Variants in RALGAPB observed in about 807,000 individuals in gnomAD.
The protein encoded by RALGAPB is ral GTPase-activating protein subunit beta.
RALGAPB carries 25 observed loss-of-function variants against 161.1 expected under a neutral mutation model. That is an observed-to-expected ratio of 0.16 (90% CI 0.11 to 0.22). RALGAPB has a LOEUF of 0.22. Ranked by LOEUF, RALGAPB falls within the 10% of genes least tolerant of loss-of-function variation. The probability of loss-of-function intolerance (pLI) is 1.00; values close to 1 mark genes in which losing one functional copy is unlikely to be tolerated. For synonymous variants in RALGAPB, 629 were observed against 626.1 expected (o/e 1.00, Z -0.07); for missense variants, 1,391 against 1,815.2 (o/e 0.77, Z 4.25).
chr20:38,555,088 GA>G (rs929967750), intron 22 of RALGAPB, among the ~76,000 whole-genome samples: 1 of 150,722 alleles, frequency 6.6e-6, no homozygotes, highest in South Asian at 2.1e-4. Flanking sequence ...TGTCTCTTGG[GA>G]AAAAAAAATG....
rs116229765 is a variant in RALGAPB at position 38,569,467 on chromosome 20, T to C, written c.3955-421T>C. ...GCAGTAGGAGACATTTGGTCTGGAATCTAGGAATAACTTGCTGATGGGACA... is the reference window on the plus strand; with the variant it reads ...GCAGTAGGAGACATTTGGTCTGGAACCTAGGAATAACTTGCTGATGGGACA... On this transcript the variant is annotated intron_variant, in intron 26 of 29. Transcript: ENST00000262879. The C allele has an allele frequency of 3.5e-3, 555 of 158,218 alleles. 3 individuals carry two copies. The highest frequency in any genetic ancestry group is 0.013 in the African/African-American group (539 of 41,716). 9.8% of individuals were successfully genotyped at this position (158,218 alleles called of 1,614,324 possible).
chr20:38,483,721 C>A (rs2085038835), intron 1 of RALGAPB, among the ~76,000 whole-genome samples: 1 of 152,104 alleles, frequency 6.6e-6, no homozygotes, highest in African/African-American at 2.4e-5. Context: ...CAAGTGTGAT[C>A]AAGACATGTG....
Position 38,521,557 on chromosome 20 carries a change from C to T in RALGAPB, c.1478C>T (p.Thr493Ile). The stretch of plus-strand genomic sequence containing the variant: ...AAAGGGTCACAAATGTCCACAGACA[C>T]CATGGTTTCCAATCCTATGTTTGAT... ...RRKGSQMSTD[T>I]MVSNPMFDAS... is the part of the protein sequence containing the mutation. Residue 493 changes from threonine (T) to isoleucine (I), a missense_variant, in exon 10 of 30, where the codon ACC becomes ATC. Around this residue, in one of 3 missense-constraint regions of RALGAPB, gnomAD observed 946 missense variants for 1,257.2 expected, o/e 0.75. Coordinates refer to ENST00000262879, the MANE Select transcript of RALGAPB (RefSeq NM_020336.4). 3 of 1,614,180 alleles carry T rather than the reference C, an allele frequency of 1.9e-6. No individual in the cohort carries two copies. Among genetic ancestry groups the T allele is most frequent in the Non-Finnish European group, 2.5e-6 (3 of 1,180,026 alleles).
intron 16 of RALGAPB, among the ~76,000 whole-genome samples, chr20:38,536,596 G>A (rs1390129021): frequency 6.6e-6 from 1 of 152,126 alleles, no homozygotes; most frequent in Non-Finnish European, 1.5e-5. Flanking sequence ...GTGTATGAGA[G>A]TTTCACTTTC....
chr20:38,514,728 G>C (rs1018273352), intron 6 of RALGAPB, among the ~76,000 whole-genome samples: 5 of 152,198 alleles, frequency 3.3e-5, no homozygotes, highest in African/African-American at 1.2e-4. Flanking sequence ...TCAAATGCTT[G>C]TCTTTGGACT....
chr20:38,485,966 C>CTTTTTT (rs11481893), intron 1 of RALGAPB, among the ~76,000 whole-genome samples: 38 of 90,662 alleles, frequency 4.2e-4, no homozygotes, highest in African/African-American at 5.3e-4. Context: ...CTTTCTATAT[C>CTTTTTT]TTTTTTTTTT....
chr20:38,568,022 A>G (rs1393236396), intron 26 of RALGAPB, among the ~76,000 whole-genome samples: 1 of 152,212 alleles, frequency 6.6e-6, no homozygotes, highest in Non-Finnish European at 1.5e-5. Flanking sequence ...CAGTTTAGAG[A>G]TGATCAGTCA....
intron 4 of RALGAPB, among the ~76,000 whole-genome samples, chr20:38,498,512 CTCTG>C (rs1255308149): frequency 6.6e-6 from 1 of 152,242 alleles, no homozygotes; most frequent in Non-Finnish European, 1.5e-5. Context: ...GATAGTAATA[CTCTG>C]TCTGGTATTG....
At chr20:38,509,282 C>T in intron 6 of RALGAPB, 74 bp downstream of exon 6, 2 of 1,494,778 alleles carry the variant, frequency 1.3e-6, no homozygotes, top group Non-Finnish European at 1.8e-6. Flanking sequence ...CTGTAAGTCT[C>T]TTGTTTGAAT....
chr20:38,527,678 A>C (rs1440352352), intron 13 of RALGAPB, among the ~76,000 whole-genome samples: 1 of 152,164 alleles, frequency 6.6e-6, no homozygotes, highest in East Asian at 1.9e-4. Flanking sequence ...GTTTATGTGG[A>C]GGGGGATGTT....
In RALGAPB at chr20:38,532,824, G is replaced by A. The variant is rs776671771; in HGVS notation, c.2210G>A (p.Ser737Asn). The change falls in exon 15 of 30, where the codon AGT becomes AAT. Residue 737 changes from serine to asparagine, a missense_variant. Ser to Asn is a conservative substitution (Grantham distance 46). This residue lies in a region of RALGAPB where 946 missense variants were observed against 1,257.2 expected (regional missense o/e 0.75). Transcript: ENST00000262879. ...GGSTEPTTPD[S>N]ERPAQALLRD... is the part of the protein sequence containing the mutation. ...AGCACGGAGCCCACGACTCCCGATA[G>A]TGAGAGACCTGCTCAAGCTCTCTTA... 9 of 1,614,210 alleles carry A rather than the reference G, an allele frequency of 5.6e-6. No homozygotes were observed. Among genetic ancestry groups the A allele is most frequent in the South Asian group, 5.5e-5 (5 of 91,086 alleles).
intron 28 of RALGAPB, among the ~76,000 whole-genome samples, chr20:38,573,172 T>C (rs1215870104): frequency 1.3e-5 from 2 of 152,126 alleles, no homozygotes; most frequent in Admixed American, 6.5e-5. Flanking sequence ...GCTCAAGTGA[T>C]CCTCCTGCCT....
chr20:38,544,870 A>G (rs2087109870), intron 18 of RALGAPB, among the ~76,000 whole-genome samples: 1 of 152,182 alleles, frequency 6.6e-6, no homozygotes, highest in Non-Finnish European at 1.5e-5. Flanking sequence ...TGAGAACTTG[A>G]TGATTTGCAT....
intron 1 of RALGAPB, among the ~76,000 whole-genome samples, chr20:38,481,853 A>G (rs573098358): frequency 6.6e-6 from 1 of 152,386 alleles, no homozygotes; most frequent in Admixed American, 6.5e-5. Context: ...GTTCATATGT[A>G]TAGTCAGGAT....
Position 38,536,313 on chromosome 20 carries a change from C to T in RALGAPB, c.2379+1106C>T, listed in dbSNP as rs138718207. Among the ~76,000 whole-genome samples, 102 of 152,230 alleles carry T rather than the reference C, an allele frequency of 6.7e-4. 1 individual carries two copies. In the East Asian group the frequency reaches 0.019, roughly 28 times the overall value. On this transcript the variant is annotated intron_variant, in intron 16 of 29. Transcript: ENST00000262879. The stretch of plus-strand genomic sequence containing the variant: ...TTGTAGAATGTGTCAGAACTGTATT[C>T]CCTTTTATGATTGGATAATATTTCA...
intron 2 of RALGAPB, among the ~76,000 whole-genome samples, chr20:38,492,315 G>T (rs942936136): frequency 6.6e-6 from 1 of 152,222 alleles, no homozygotes; most frequent in Non-Finnish European, 1.5e-5. Flanking sequence ...ATGTGATTCA[G>T]CTAGGTCAGG....
rs777904078 is a variant in RALGAPB, at chr20:38,562,677, A to G, written c.3677A>G (p.Asp1226Gly). ...STSWSINCCD[D>G]GEGSQQEVIS... ...AGTTGGTCTATTAATTGTTGTGATG[A>G]TGGTGAAGGATCTCAACAAGGTAAA... is the stretch of plus-strand genomic sequence containing the variant. Residue 1226 changes from aspartate (D) to glycine (G), a missense_variant, in exon 24 of 30, where the codon GAT becomes GGT. By Grantham distance (94) the Asp-to-Gly change is moderately conservative (BLOSUM62 -1). Around this residue, in one of 3 missense-constraint regions of RALGAPB, gnomAD observed 436 missense variants for 527.0 expected, o/e 0.83. Transcript: ENST00000262879. 1.2e-6 allele frequency: 2 copies of G among 1,610,272 alleles called. No individual in the cohort carries two copies. The highest frequency in any genetic ancestry group is 1.7e-6 in the Non-Finnish European group (2 of 1,178,938).
At chr20:38,529,845 AAAAG>A (rs1324200285) in intron 13 of RALGAPB, among the ~76,000 whole-genome samples, 1 of 152,234 alleles carries the variant, frequency 6.6e-6, no homozygotes, top group South Asian at 2.1e-4. Context: ...CATCTCAAAA[AAAAG>A]AAAATCATAA....
intron 6 of RALGAPB, among the ~76,000 whole-genome samples, chr20:38,511,948 G>A (rs2085973245): frequency 6.6e-6 from 1 of 152,094 alleles, no homozygotes; most frequent in African/African-American, 2.4e-5. Context: ...GGCGGCGGCC[G>A]GGCGGGGGCT....
Sources: gnomAD v4.1 joint callset for allele counts (sites outside exome capture counted in the v4.1 genomes callset) on GRCh38, gnomAD v4.1.1 for gene constraint, gnomAD v4.1.1 regional missense constraint, MANE v1.5 for transcripts, NCBI Gene and HGNC (gene_info 2026-07-23, HGNC 2026-07-21) for gene names.